The following AFAP1 variants were observed in gnomAD, a reference collection of about 807,000 sequenced individuals.
AFAP1 encodes actin filament associated protein 1.
AFAP1 carries 75 observed loss-of-function variants against 93.9 expected under a neutral mutation model. The ratio of observed to expected loss-of-function variants is 0.80; its 90% CI spans 0.66 to 0.97. The LOEUF is 0.97. Ranked by LOEUF, AFAP1 falls within the 50% of genes least tolerant of loss-of-function variation. The pLI, the probability that AFAP1 is intolerant of heterozygous loss-of-function variation, is 0.00. For synonymous variants in AFAP1, 517 were observed against 430.7 expected (o/e 1.20, Z -2.48); for missense variants, 1,201 against 1,050.8 (o/e 1.14, Z -1.98).
At chr4:7,910,649 C>G (rs545681041) in intron 1 of AFAP1, among the ~76,000 whole-genome samples, 1 of 152,228 alleles carries the variant, frequency 6.6e-6, no homozygotes, top group Non-Finnish European at 1.5e-5. Context: ...CTCTCTCCCC[C>G]GTTCACCCGT....
chr4:7,857,231 G>A (rs1241540898), intron 3 of AFAP1, among the ~76,000 whole-genome samples: 4 of 152,060 alleles, frequency 2.6e-5, no homozygotes, highest in Non-Finnish European at 4.4e-5. Flanking sequence ...GAAAGTATGG[G>A]GCTGTTGCGT....
intron 7 of AFAP1, 82 bp downstream of exon 7, chr4:7,818,994 C>A: frequency 1.6e-6 from 2 of 1,283,590 alleles, no homozygotes; most frequent in East Asian, 2.5e-5. Context: ...CTGAAATTCT[C>A]AGAGATTGTT....
Position 7,939,611 on chromosome 4 carries a change from C to A in AFAP1, c.-3+45G>T. ...GGAGCTTCCACGCCCGGGGCAGAGA[C>A]CCCCGCCGGGTCCGGAGACCCTGCC... On this transcript the variant is annotated intron_variant, in intron 1 of 17. Transcript: ENST00000420658. The surrounding 1 kb of genome is among the most constrained non-coding windows in gnomAD (Gnocchi z 5.6). 1 of 411,724 alleles carries A rather than the reference C, an allele frequency of 2.4e-6. No homozygotes were observed. Among genetic ancestry groups the A allele is most frequent in the Non-Finnish European group, 4.8e-6 (1 of 208,528 alleles). 25.5% of individuals were successfully genotyped at this position (411,724 alleles called of 1,614,324 possible).
intron 7 of AFAP1, among the ~76,000 whole-genome samples, chr4:7,817,098 T>C (rs892465120): frequency 1.3e-5 from 2 of 152,156 alleles, no homozygotes; most frequent in Admixed American, 6.5e-5. Context: ...ATGAGGAACT[T>C]GGATGCAGTA....
intron 1 of AFAP1, among the ~76,000 whole-genome samples, chr4:7,914,774 C>G (rs925379120): frequency 8.5e-5 from 13 of 152,126 alleles, no homozygotes; most frequent in African/African-American, 2.9e-4. Context: ...CTGAGACAGT[C>G]TCACTGTTGC....
chr4:7,855,647 A>G (rs1033262262), intron 3 of AFAP1, 73 bp from the exon 4 acceptor site: 1 of 1,166,936 alleles, frequency 8.6e-7, no homozygotes, highest in Non-Finnish European at 1.3e-6. Context: ...TCCAATTAAC[A>G]GGTGTGGCCA....
At chr4:7,782,884 G>A (rs1716911817) in intron 12 of AFAP1, among the ~76,000 whole-genome samples, 1 of 152,184 alleles carries the variant, frequency 6.6e-6, no homozygotes, top group African/African-American at 2.4e-5. Flanking sequence ...GGATATGAGA[G>A]TTTCATAATG....
rs114203572 is a variant in AFAP1, at chr4:7,837,523, G to A, written c.726+1001C>T. On this transcript the variant is annotated intron_variant, in intron 6 of 17. Transcript: ENST00000420658. ...CTTGGACTTCTCAGACTCCAGAACC[G>A]TGAGAAATACATTTGTTATAAATAA... Among the ~76,000 whole-genome samples the A allele has an allele frequency of 9.1e-3, 1,380 of 152,288 alleles. 16 individuals carry two copies. The highest frequency in any genetic ancestry group is 0.023 in the African/African-American group (958 of 41,556).
At chr4:7,775,528 C>G (rs915589879) in intron 14 of AFAP1, 4 of 152,352 alleles carry the variant, frequency 2.6e-5, no homozygotes, top group Non-Finnish European at 5.9e-5. Flanking sequence ...TTCCTTATGG[C>G]CATGTCATCT....
chr4:7,766,708 C>T (rs1039957459), intron 17 of AFAP1, among the ~76,000 whole-genome samples: 2 of 152,122 alleles, frequency 1.3e-5, no homozygotes, highest in South Asian at 2.1e-4. Context: ...AGCGCCTGCC[C>T]CTCGGGCACC....
intron 9 of AFAP1, among the ~76,000 whole-genome samples, chr4:7,801,172 C>A (rs952461035): frequency 6.6e-6 from 1 of 152,210 alleles, no homozygotes; most frequent in African/African-American, 2.4e-5. Flanking sequence ...CTGGGAGGCA[C>A]TAAGATCCCC....
At chr4:7,898,808 A>AGTGTGTGTGTGTGT (rs56404898) in intron 1 of AFAP1, among the ~76,000 whole-genome samples, 10,842 of 136,790 alleles carry the variant, frequency 0.079, 557 homozygotes, top group African/African-American at 0.11. Context: ...GGGCAGTAGA[A>AGTGTGTGTGTGTGT]GTGTGTGTGT....
chr4:7,847,463 T>C (rs1183493712), intron 4 of AFAP1, among the ~76,000 whole-genome samples: 1 of 152,052 alleles, frequency 6.6e-6, no homozygotes, highest in Non-Finnish European at 1.5e-5. Flanking sequence ...AAGAGAACTC[T>C]CCGGAAAGTA....
intron 3 of AFAP1, among the ~76,000 whole-genome samples, chr4:7,863,973 CCA>C (rs1716065199): frequency 7.8e-4 from 1 of 1,278 alleles, no homozygotes. Flanking sequence ...CCATCACAAC[CCA>C]TTCCCAACTT....
rs1003186986 is a variant in AFAP1 at position 7,768,870 on chromosome 4, G to A, written c.2392C>T (p.Arg798Ter). The A allele has an allele frequency of 8.1e-6, 13 of 1,606,884 alleles. No homozygotes were observed. The highest frequency in any genetic ancestry group is 1.7e-4 in the Middle Eastern group (1 of 5,892). The stretch of plus-strand genomic sequence containing the variant: ...TTGGCCTTCCGCAGCACATGCCCTC[G>A]GCAGGGGGAGCTGCCCGGGGCAGCC... ...SQAAPGSSPC[R>*]GHVLRKAKEW... The change falls in exon 17 of 18, where the codon CGA (arginine) becomes TGA (stop). Residue 798 changes from arginine to a stop codon, truncating the protein, a stop_gained. Transcript: ENST00000420658. LOFTEE classifies it high-confidence loss of function.
intron 12 of AFAP1, among the ~76,000 whole-genome samples, chr4:7,785,841 G>A (rs945000242): frequency 6.6e-6 from 1 of 152,210 alleles, no homozygotes; most frequent in South Asian, 2.1e-4. Flanking sequence ...GGGAGGCTGA[G>A]GTGGGAGGAT....
At chr4:7,784,004 A>G (rs1717028348) in intron 12 of AFAP1, among the ~76,000 whole-genome samples, 1 of 152,148 alleles carries the variant, frequency 6.6e-6, no homozygotes, top group Non-Finnish European at 1.5e-5. Context: ...GGGCAAATGG[A>G]GGCAGAAGAG....
chr4:7,858,983 T>C (rs1198694256), intron 3 of AFAP1, among the ~76,000 whole-genome samples: 2 of 152,198 alleles, frequency 1.3e-5, no homozygotes, highest in Non-Finnish European at 2.9e-5. Flanking sequence ...TACCACTGAA[T>C]GGCAGCCCCA....
Position 7,831,720 on chromosome 4 carries a change from C to T in AFAP1, c.726+6804G>A, listed in dbSNP as rs117652157. 4.9e-4 allele frequency among the ~76,000 whole-genome samples: 75 copies of T among 152,290 alleles called. 1 individual carries two copies. The East Asian group carries it at 0.013, about 27-fold the overall frequency. On this transcript the variant is annotated intron_variant, in intron 6 of 17. Coordinates refer to ENST00000420658, the MANE Select transcript of AFAP1 (RefSeq NM_001134647.2). Reference sequence around the variant, plus strand: ...AGGACAGAGGAGAAAAAGAAGAAAGCTGAAATTTCAGAGCGGCCTTTTTTG... The same window carrying T: ...AGGACAGAGGAGAAAAAGAAGAAAGTTGAAATTTCAGAGCGGCCTTTTTTG...
Sources: allele counts gnomAD v4.1 joint callset (sites outside exome capture counted in the v4.1 genomes callset), GRCh38; gene constraint gnomAD v4.1.1; non-coding constraint Gnocchi (gnomAD v3.1); transcripts MANE v1.5; gene names NCBI Gene and HGNC (gene_info 2026-07-23, HGNC 2026-07-21).